SOS1: variants seen among roughly 807,000 people sequenced by gnomAD.
SOS1 encodes son of sevenless homolog 1.
In SOS1, 25 loss-of-function variants were observed where a neutral mutation model predicts 157.6. The observed-to-expected ratio is 0.16, with a 90% CI of 0.12 to 0.22. The LOEUF is 0.22. Among genes scored for constraint, SOS1 ranks in the 10% least tolerant of loss-of-function variants. SOS1 has a pLI of 1.00. For missense variants in SOS1, 1,237 were observed against 1,599.1 expected (o/e 0.77, Z 3.86); for synonymous variants, 528 against 534.0 (o/e 0.99, Z 0.16).
At chr2:39,111,092 G>C (rs1282602846) in intron 1 of SOS1, among the ~76,000 whole-genome samples, 1 of 152,212 alleles carries the variant, frequency 6.6e-6, no homozygotes, top group African/African-American at 2.4e-5. Context: ...AATTATCCAG[G>C]TGTGGTGGCA....
Position 39,054,614 on chromosome 2 carries a change from A to C in SOS1, c.720T>G (p.Asn240Lys), listed in dbSNP as rs779699814. The C allele has an allele frequency of 6.6e-7, 1 of 1,524,074 alleles. No homozygotes were observed. The highest frequency in any genetic ancestry group is 2.3e-5 in the East Asian group (1 of 44,346). 94.4% of individuals were successfully genotyped at this position (1,524,074 alleles called of 1,614,324 possible). A position where few individuals can be genotyped will look rare whatever the true frequency, so the allele number is the denominator to read the frequency against. ...FVSNSKLFSA[N>K]DVENIFSRIV... The stretch of plus-strand genomic sequence containing the variant: ...GAGGCATATATACAATGATACTTAC[A>C]TTAGCTGAAAACAATTTTGAATTGG... The change falls in exon 5 of 23, where the codon AAT becomes AAG. Residue 240 changes from asparagine (N) to lysine (K), a missense_variant and splice_region_variant. Transcript: ENST00000402219.
At chr2:39,016,933 ATCT>A (rs1363891851) in intron 10 of SOS1, among the ~76,000 whole-genome samples, 2 of 152,128 alleles carry the variant, frequency 1.3e-5, no homozygotes, top group South Asian at 2.1e-4. Context: ...CAGACTTTTC[ATCT>A]TCTTAAGCCA....
chr2:39,023,469 A>C (rs1304601172), intron 9 of SOS1, among the ~76,000 whole-genome samples: 3 of 152,080 alleles, frequency 2.0e-5, no homozygotes, highest in African/African-American at 7.2e-5. Context: ...GTAACTACAA[A>C]ATGATTATTT....
At chr2:39,096,843 G>A (rs1037787105) in intron 1 of SOS1, among the ~76,000 whole-genome samples, 1 of 151,050 alleles carries the variant, frequency 6.6e-6, no homozygotes, top group Admixed American at 6.6e-5. Context: ...CCGAGATCGC[G>A]CCACTGCACT....
At chr2:38,987,333 A>G (rs1668587077) in intron 22 of SOS1, 140 bp downstream of exon 22, 2 of 671,906 alleles carry the variant, frequency 3.0e-6, no homozygotes, top group Middle Eastern at 3.8e-4. Flanking sequence ...TGCTAAATCT[A>G]TATGTAATCC....
At position 39,085,977 on chromosome 2, in the gene SOS1, C is replaced by G. The variant is rs146730379; in HGVS notation, c.88-18224G>C. ...GAGTAGTAAAAAGGTTAAGTGTGGG[C>G]TACATTGCCTACATTAAAATCTTTG... On this transcript the variant is annotated intron_variant, in intron 1 of 22. Coordinates refer to ENST00000402219, the MANE Select transcript of SOS1 (RefSeq NM_005633.4). Among the ~76,000 whole-genome samples the G allele has an allele frequency of 4.6e-5, 7 of 152,332 alleles. No homozygotes were observed. The East Asian group carries it at 1.3e-3, about 29-fold the overall frequency.
At chr2:39,034,989 C>CAA in intron 8 of SOS1, 2 of 607,838 alleles carry the variant, frequency 3.3e-6, no homozygotes, top group East Asian at 6.0e-5. Context: ...AAAGAAAAAA[C>CAA]AAAAAACAAA....
intron 6 of SOS1, among the ~76,000 whole-genome samples, chr2:39,046,156 C>A (rs1212767587): frequency 6.6e-6 from 1 of 152,006 alleles, no homozygotes; most frequent in Non-Finnish European, 1.5e-5. Context: ...TTGCTTCATT[C>A]TTTCCTATTA....
chr2:39,078,726 T>G (rs1672101791), intron 1 of SOS1, among the ~76,000 whole-genome samples: 1 of 152,056 alleles, frequency 6.6e-6, no homozygotes, highest in Admixed American at 6.5e-5. Flanking sequence ...TCCCCCACCA[T>G]GGAAAAATTG....
At chr2:39,009,676 CTG>C (rs1253768012) in intron 15 of SOS1, among the ~76,000 whole-genome samples, 2 of 151,900 alleles carry the variant, frequency 1.3e-5, no homozygotes, top group African/African-American at 2.4e-5. Context: ...AAAGTAATAA[CTG>C]TTAACAATGT....
chr2:39,095,053 C>G (rs1482142252), intron 1 of SOS1, among the ~76,000 whole-genome samples: 1 of 152,164 alleles, frequency 6.6e-6, no homozygotes, highest in Non-Finnish European at 1.5e-5. Context: ...TTCATCCTTC[C>G]TCTCAGCTAC....
chr2:39,041,394 TA>T (rs1670562869), intron 6 of SOS1, among the ~76,000 whole-genome samples: 1 of 152,262 alleles, frequency 6.6e-6, no homozygotes, highest in Non-Finnish European at 1.5e-5. Context: ...TGCCCATTTT[TA>T]AATTGGGTTA....
Position 38,988,035 on chromosome 2 carries a change from T to TA in SOS1, c.3392-445_3392-444insT, listed in dbSNP as rs150095305. Reference sequence around the variant, plus strand: ...GGATAGTCCCTGGGAGTAGAGTGTGTGCTCTTAACCACTCTCTCCAATGTC... The same window carrying TA: ...GGATAGTCCCTGGGAGTAGAGTGTGTAGCTCTTAACCACTCTCTCCAATGTC... On this transcript the variant is annotated intron_variant, in intron 21 of 22. Transcript: ENST00000402219. 3.7e-3 allele frequency among the ~76,000 whole-genome samples: 564 copies of TA among 152,264 alleles called. 5 individuals carry two copies. The highest frequency in any genetic ancestry group is 0.013 in the African/African-American group (541 of 41,564).
rs1668469867 is a variant in SOS1 at position 38,983,800 on chromosome 2, C to A, written c.*2024G>T. ...TTGTAGCGGCTCTAGTAAGTTGGCT[C>A]ACATAAATACTGTTGAATGGATGGT... On this transcript the variant is annotated 3_prime_UTR_variant, in exon 23 of 23. Coordinates refer to ENST00000402219, the MANE Select transcript of SOS1 (RefSeq NM_005633.4). The A allele has an allele frequency of 6.6e-6, 1 of 152,124 alleles. No individual in the cohort carries two copies. The highest frequency in any genetic ancestry group is 1.5e-5 in the Non-Finnish European group (1 of 68,010). The allele number at this position is 152,124 out of a possible 1,614,324, so 9.4% of individuals were successfully genotyped here.
At chr2:39,007,688 G>A (rs557910280) in intron 15 of SOS1, among the ~76,000 whole-genome samples, 17 of 152,134 alleles carry the variant, frequency 1.1e-4, no homozygotes, top group Non-Finnish European at 2.5e-4. Context: ...AGCATTAAAT[G>A]TAATGGCAAA....
At chr2:39,118,283 G>A (rs1229728444) in intron 1 of SOS1, among the ~76,000 whole-genome samples, 1 of 152,202 alleles carries the variant, frequency 6.6e-6, no homozygotes, top group Non-Finnish European at 1.5e-5. Flanking sequence ...CAAGTCGGAT[G>A]TATCTACGAA....
intron 9 of SOS1, 118 bp from the exon 10 acceptor site, chr2:39,023,343 A>G: frequency 1.5e-6 from 1 of 686,616 alleles, no homozygotes; most frequent in Non-Finnish European, 2.4e-6. Context: ...GTATTCACTA[A>G]TTCCCCAAAT....
intron 8 of SOS1, among the ~76,000 whole-genome samples, chr2:39,027,555 C>T (rs113257326): frequency 0.012 from 1,819 of 152,264 alleles, 20 homozygotes; most frequent in Non-Finnish European, 0.018. Context: ...ATAATTCAAG[C>T]TAACTACCAT....
Position 39,120,502 on chromosome 2 carries a change from C to G in SOS1, c.-80G>C. ...GAGCCGCGAGAGGGCGAGCTCGCAG[C>G]GCGGAACAGGGCCGCGGCCCCACCG... On this transcript the variant is annotated 5_prime_UTR_variant, in exon 1 of 23. Transcript: ENST00000402219. The G allele has an allele frequency of 1.5e-6, 2 of 1,345,158 alleles. No individual in the cohort carries two copies. The highest frequency in any genetic ancestry group is 1.9e-6 in the Non-Finnish European group (2 of 1,046,270). 83.3% of individuals were successfully genotyped at this position (1,345,158 alleles called of 1,614,324 possible).
Sources: gnomAD v4.1 joint callset for allele counts (sites outside exome capture counted in the v4.1 genomes callset) on GRCh38, gnomAD v4.1.1 for gene constraint, MANE v1.5 for transcripts, NCBI Gene and HGNC (gene_info 2026-07-23, HGNC 2026-07-21) for gene names.